Variants in GLIS3 observed in about 807,000 individuals in gnomAD.
GLIS3 encodes zinc finger protein GLIS3.
A neutral mutation model predicts 78.6 loss-of-function variants in GLIS3; 53 were observed. That is an observed-to-expected ratio of 0.67 (90% CI 0.54 to 0.85). GLIS3 has a LOEUF of 0.85. GLIS3 is among the 40% of genes least tolerant of loss of function. GLIS3 has a pLI of 0.00. For synonymous variants in GLIS3, 684 were observed against 509.9 expected (o/e 1.34, Z -4.60); for missense variants, 1,703 against 1,231.1 (o/e 1.38, Z -5.74).
chr9:3,969,857 G>A (rs1366204799), intron 4 of GLIS3, among the ~76,000 whole-genome samples: 2 of 152,280 alleles, frequency 1.3e-5, no homozygotes, highest in East Asian at 1.9e-4. Context: ...TTCAAAAAGT[G>A]GCATTTTCAC....
the GLIS3 span, among the ~76,000 whole-genome samples, chr9:4,420,227 T>G: frequency 6.6e-6 from 1 of 152,170 alleles, no homozygotes; most frequent in South Asian, 2.1e-4. Flanking sequence ...GAGAGGAAGA[T>G]GCAATTTGAG....
At chr9:3,828,799 T>C (rs1056585590) in intron 10 of GLIS3, among the ~76,000 whole-genome samples, 2 of 151,874 alleles carry the variant, frequency 1.3e-5, no homozygotes, top group Non-Finnish European at 2.9e-5. Flanking sequence ...GGGAGAGGCA[T>C]GTGGGGTCAA....
Position 3,829,321 on chromosome 9 carries a change from G to C in GLIS3, c.2645C>G (p.Ser882Trp). 6.2e-7 allele frequency: 1 copy of C among 1,613,866 alleles called. No individual in the cohort carries two copies. Among genetic ancestry groups the C allele is most frequent in the Non-Finnish European group, 8.5e-7 (1 of 1,179,860 alleles). ...DVFHRAFSTH[S>W]GITVYDLPSS... ...GACAACCAACACACCTGTAATGCCC[G>C]AGTGAGTCGAGAAGGCTCTGTGGAA... is the stretch of plus-strand genomic sequence containing the variant. Residue 882 changes from serine (S) to tryptophan (W), a missense_variant, in exon 10 of 11, where the codon TCG becomes TGG. Physicochemically the swap from Ser to Trp is radical, Grantham distance 177. Transcript: ENST00000381971.
intron 2 of GLIS3, among the ~76,000 whole-genome samples, chr9:4,126,970 A>G (rs571132028): frequency 2.6e-5 from 4 of 152,178 alleles, no homozygotes; most frequent in Non-Finnish European, 5.9e-5. Context: ...TCTTAGCTGT[A>G]GGGGTCATAA....
At chr9:4,172,168 C>A (rs1303541987) in intron 2 of GLIS3, among the ~76,000 whole-genome samples, 6 of 152,128 alleles carry the variant, frequency 3.9e-5, no homozygotes, top group African/African-American at 1.4e-4. Flanking sequence ...TGGAATAAAT[C>A]CACATGAATA....
Position 3,856,067 on chromosome 9 carries a change from C to T in GLIS3, c.2415G>A (p.Leu805=), listed in dbSNP as rs1174653024. The T allele has an allele frequency of 1.9e-6, 3 of 1,614,206 alleles. No homozygotes were observed. The highest frequency in any genetic ancestry group is 2.5e-6 in the Non-Finnish European group (3 of 1,180,024). ...PYTQQPSGSH[L]KSYQPETNSS... ...AGTTTGTTTCTGGCTGATAGGACTT[C>T]AGGTGTGAACCTGATGGCTGCTGGG... Residue 805 remains leucine, a synonymous_variant, in exon 9 of 11, where the codon CTG becomes CTA. Transcript: ENST00000381971.
At chr9:4,389,003 G>A in the GLIS3 span, among the ~76,000 whole-genome samples, 1 of 152,104 alleles carries the variant, frequency 6.6e-6, no homozygotes. Context: ...ATTTTAAGGG[G>A]ATTCTATATA....
At chr9:3,929,776 G>T (rs571321464) in intron 6 of GLIS3, among the ~76,000 whole-genome samples, 2 of 152,078 alleles carry the variant, frequency 1.3e-5, no homozygotes, top group Non-Finnish European at 2.9e-5. Flanking sequence ...GGTTATTTTT[G>T]ATTAATTCAC....
chr9:4,321,026 T>C (rs1348804488), intron 2 of GLIS3, among the ~76,000 whole-genome samples: 1 of 151,954 alleles, frequency 6.6e-6, no homozygotes, highest in Non-Finnish European at 1.5e-5. Context: ...ACCCCAGCCA[T>C]TTCTGCAGCC....
the GLIS3 span, among the ~76,000 whole-genome samples, chr9:4,404,396 T>A: frequency 1.6e-4 from 25 of 152,126 alleles, no homozygotes; most frequent in African/African-American, 5.8e-4. Context: ...ACAAAACATG[T>A]CATCCAACAG....
chr9:4,163,447 G>A (rs563335985), intron 2 of GLIS3, among the ~76,000 whole-genome samples: 15 of 152,236 alleles, frequency 9.9e-5, no homozygotes, highest in Non-Finnish European at 2.2e-4. Flanking sequence ...CCAAGATCAT[G>A]GGAATAATTT....
At chr9:4,419,905 T>G in the GLIS3 span, among the ~76,000 whole-genome samples, 1 of 152,174 alleles carries the variant, frequency 6.6e-6, no homozygotes. Flanking sequence ...CCACCAGGCC[T>G]CACCTACCAC....
chr9:4,250,891 G>C (rs1473419518), intron 2 of GLIS3, among the ~76,000 whole-genome samples: 1 of 152,156 alleles, frequency 6.6e-6, no homozygotes. Flanking sequence ...TTCAGGAGCA[G>C]GTTGTTCAGT....
intron 2 of GLIS3, among the ~76,000 whole-genome samples, chr9:4,164,955 G>C (rs1027929614): frequency 6.6e-6 from 1 of 152,154 alleles, no homozygotes; most frequent in African/African-American, 2.4e-5. Context: ...GATTGATTCT[G>C]AATTTTGTTC....
rs1305145537 is a variant in GLIS3, at chr9:3,827,525, G to C, written c.*747C>G. On this transcript the variant is annotated 3_prime_UTR_variant, in exon 11 of 11. Coordinates refer to ENST00000381971, the MANE Select transcript of GLIS3 (RefSeq NM_001042413.2). ...AACTAACATGCTAGAGGTGGGGCCA[G>C]GCAGAACCACAGCTGTGCAAAATGT... 1.3e-5 allele frequency: 2 copies of C among 152,458 alleles called. No individual in the cohort carries two copies. The highest frequency in any genetic ancestry group is 3.9e-4 in the East Asian group (2 of 5,192). The allele number at this position is 152,458 out of a possible 1,614,324, so 9.4% of individuals were successfully genotyped here.
At chr9:4,010,932 T>C (rs1434786410) in intron 4 of GLIS3, among the ~76,000 whole-genome samples, 1 of 152,206 alleles carries the variant, frequency 6.6e-6, no homozygotes, top group Admixed American at 6.5e-5. Context: ...TAGATACGCA[T>C]GCATGTGTAT....
At chr9:4,462,982 C>G in the GLIS3 span, among the ~76,000 whole-genome samples, 1 of 152,168 alleles carries the variant, frequency 6.6e-6, no homozygotes, top group Non-Finnish European at 1.5e-5. Flanking sequence ...TAACCATTCT[C>G]TGGGGGAAAT....
chr9:4,246,875 T>G (rs990639435), intron 2 of GLIS3, among the ~76,000 whole-genome samples: 2 of 152,242 alleles, frequency 1.3e-5, no homozygotes, highest in African/African-American at 4.8e-5. Flanking sequence ...TATTGTCCAA[T>G]GAGATAATCT....
chr9:4,312,992 T>A (rs1482935562), intron 2 of GLIS3, among the ~76,000 whole-genome samples: 1 of 152,242 alleles, frequency 6.6e-6, no homozygotes, highest in Non-Finnish European at 1.5e-5. Flanking sequence ...GGATACACAA[T>A]GACAGTAGCT....
Sources: gnomAD v4.1 joint callset for allele counts (sites outside exome capture counted in the v4.1 genomes callset) on GRCh38, gnomAD v4.1.1 for gene constraint, MANE v1.5 for transcripts, NCBI Gene and HGNC (gene_info 2026-07-23, HGNC 2026-07-21) for gene names.